Variants in RABGAP1L observed in about 807,000 individuals in gnomAD.
RABGAP1L encodes the protein RAB GTPase activating protein 1 like.
In RABGAP1L, 63 loss-of-function variants were observed where a neutral mutation model predicts 137.7. The ratio of observed to expected loss-of-function variants is 0.46; its 90% CI spans 0.37 to 0.56. The LOEUF (loss-of-function observed/expected upper bound fraction) is 0.56. RABGAP1L is among the 20% of genes least tolerant of loss of function. The pLI is 0.00. For missense variants in RABGAP1L, 1,095 were observed against 1,244.0 expected, an observed-to-expected ratio of 0.88 and a Z score of 1.80; for synonymous variants, 431 against 433.7, an observed-to-expected ratio of 0.99 and a Z score of 0.08.
chr1:174,215,558 G>A (rs373604422), intron 1 of RABGAP1L, among the ~76,000 whole-genome samples: 1 of 151,876 alleles, frequency 6.6e-6, no homozygotes, highest in South Asian at 2.1e-4. Flanking sequence ...TGGCAAAAAG[G>A]CATATGAAAA....
intron 7 of RABGAP1L, among the ~76,000 whole-genome samples, chr1:174,254,512 G>A (rs759248047): frequency 1.3e-5 from 2 of 151,960 alleles, no homozygotes; most frequent in African/African-American, 4.8e-5. Flanking sequence ...GACAGGCCCC[G>A]GTGTATGATG....
In RABGAP1L at chr1:174,993,251, T is replaced by C. The variant is rs1394275664; in HGVS notation, c.*3250T>C. 1.3e-5 allele frequency: 2 copies of C among 152,228 alleles called. No individual in the cohort carries two copies. The highest frequency in any genetic ancestry group is 2.9e-5 in the Non-Finnish European group (2 of 68,028). The allele number at this position is 152,228 out of a possible 1,614,324, so 9.4% of individuals were successfully genotyped here. A position where few individuals can be genotyped will look rare whatever the true frequency, so the allele number is the denominator to read the frequency against. On this transcript the variant is annotated 3_prime_UTR_variant, in exon 26 of 26. Coordinates refer to ENST00000681986, the MANE Select transcript of RABGAP1L (RefSeq NM_001366446.1). ...ATTTATGAGTGCCTATCAGGAACAC[T>C]AATAGGAATGCCATTCAACCAGTGT...
chr1:174,402,492 A>G (rs1338684105), intron 13 of RABGAP1L, among the ~76,000 whole-genome samples: 7 of 152,184 alleles, frequency 4.6e-5, no homozygotes, highest in East Asian at 1.9e-4. Flanking sequence ...AAGAAGTTCT[A>G]AAGCGCCTAA....
chr1:174,473,291 A>G (rs1346666272), intron 13 of RABGAP1L, among the ~76,000 whole-genome samples: 1 of 152,176 alleles, frequency 6.6e-6, no homozygotes, highest in Non-Finnish European at 1.5e-5. Context: ...GATCTCTGTA[A>G]ACCTTGCTGG....
intron 13 of RABGAP1L, among the ~76,000 whole-genome samples, chr1:174,606,055 G>A (rs754242142): frequency 3.3e-5 from 5 of 152,098 alleles, no homozygotes; most frequent in African/African-American, 9.7e-5. Context: ...CCTCAGACTA[G>A]ATCCTATTTA....
At chr1:174,248,301 A>G (rs1672429340) in intron 5 of RABGAP1L, among the ~76,000 whole-genome samples, 1 of 152,214 alleles carries the variant, frequency 6.6e-6, no homozygotes, top group South Asian at 2.1e-4. Context: ...CACCTAGACT[A>G]ATACTTGGTA....
intron 18 of RABGAP1L, among the ~76,000 whole-genome samples, chr1:174,766,178 C>T (rs1360859814): frequency 6.6e-6 from 1 of 152,164 alleles, no homozygotes; most frequent in Non-Finnish European, 1.5e-5. Context: ...GAAACAAACC[C>T]TGCTGACACC....
chr1:174,921,647 C>G (rs549142976), intron 19 of RABGAP1L, among the ~76,000 whole-genome samples: 30 of 152,310 alleles, frequency 2.0e-4, no homozygotes, highest in African/African-American at 6.7e-4. Context: ...GTGGAAATCT[C>G]TGGTTTTATA....
chr1:174,641,176 ACT>A (rs1044513872), intron 14 of RABGAP1L, among the ~76,000 whole-genome samples: 5 of 151,960 alleles, frequency 3.3e-5, no homozygotes, highest in South Asian at 2.1e-4. Context: ...TTAGAAATCA[ACT>A]CTGTTTTCAA....
intron 18 of RABGAP1L, among the ~76,000 whole-genome samples, chr1:174,796,364 A>G (rs971324334): frequency 6.6e-6 from 1 of 152,188 alleles, no homozygotes; most frequent in Admixed American, 6.5e-5. Context: ...TAAAAAAAGT[A>G]TTTGGGATTT....
chr1:174,663,997 A>G (rs951881959), intron 14 of RABGAP1L, among the ~76,000 whole-genome samples: 1 of 152,186 alleles, frequency 6.6e-6, no homozygotes, highest in African/African-American at 2.4e-5. Flanking sequence ...AATACACATT[A>G]CGTAAGCTTC....
chr1:174,552,218 A>G (rs937592240), intron 13 of RABGAP1L, among the ~76,000 whole-genome samples: 6 of 152,168 alleles, frequency 3.9e-5, no homozygotes, highest in African/African-American at 9.7e-5. Flanking sequence ...TTTGTTACGT[A>G]GGTAAACTTG....
At chr1:174,965,219 GT>G (rs1669512659) in intron 20 of RABGAP1L, among the ~76,000 whole-genome samples, 2 of 121,210 alleles carry the variant, frequency 1.7e-5, no homozygotes, top group Non-Finnish European at 3.8e-5. Flanking sequence ...TAAGAGTTAT[GT>G]AAGCAGTGTC....
intron 10 of RABGAP1L, among the ~76,000 whole-genome samples, chr1:174,281,092 T>C (rs948452167): frequency 1.3e-5 from 2 of 152,112 alleles, no homozygotes; most frequent in East Asian, 3.9e-4. Flanking sequence ...GCGGTGAGTG[T>C]TACAGCTCAT....
intron 13 of RABGAP1L, among the ~76,000 whole-genome samples, chr1:174,458,982 A>G (rs537679233): frequency 4.1e-4 from 62 of 152,294 alleles, no homozygotes; most frequent in African/African-American, 1.4e-3. Context: ...ATGACTTAAG[A>G]GAATTTATAA....
intron 18 of RABGAP1L, among the ~76,000 whole-genome samples, chr1:174,791,027 CT>C (rs1326433261): frequency 6.6e-6 from 1 of 151,984 alleles, no homozygotes; most frequent in African/African-American, 2.4e-5. Flanking sequence ...CCCGTCTCTA[CT>C]AAAAATACAA....
At chr1:174,784,181 G>A (rs1181077689) in intron 18 of RABGAP1L, among the ~76,000 whole-genome samples, 4 of 151,202 alleles carry the variant, frequency 2.6e-5, no homozygotes, top group Non-Finnish European at 5.9e-5. Context: ...CATCACGCCC[G>A]GCCAATTTTT....
At chr1:174,172,639 A>G (rs1378967789) in intron 1 of RABGAP1L, among the ~76,000 whole-genome samples, 1 of 151,994 alleles carries the variant, frequency 6.6e-6, no homozygotes, top group Non-Finnish European at 1.5e-5. Flanking sequence ...GGCCCTTTGT[A>G]TGTCTTCTTT....
intron 19 of RABGAP1L, chr1:174,896,918 T>C (rs1285524287): frequency 1.3e-5 from 2 of 152,260 alleles, no homozygotes; most frequent in Non-Finnish European, 2.9e-5. Flanking sequence ...GACTTGGCGA[T>C]GCAAGCTCTT....
Sources: allele counts gnomAD v4.1 joint callset (sites outside exome capture counted in the v4.1 genomes callset), GRCh38; gene constraint gnomAD v4.1.1; transcripts MANE v1.5; gene names NCBI Gene and HGNC (gene_info 2026-07-23, HGNC 2026-07-21).